EPB41L4B: variants seen among roughly 807,000 people sequenced by gnomAD.
EPB41L4B encodes the protein band 4.1-like protein 4B.
A neutral mutation model predicts 112.5 loss-of-function variants in EPB41L4B; 30 were observed. The ratio of observed to expected loss-of-function variants is 0.27; its 90% CI spans 0.20 to 0.36. The LOEUF (loss-of-function observed/expected upper bound fraction) is 0.36. Ranked by LOEUF, EPB41L4B falls within the 10% of genes least tolerant of loss-of-function variation. The pLI, the probability that EPB41L4B is intolerant of heterozygous loss-of-function variation, is 1.00. For missense variants in EPB41L4B, 1,024 were observed against 1,133.3 expected, an observed-to-expected ratio of 0.90 and a Z score of 1.38; for synonymous variants, 408 against 439.7, an observed-to-expected ratio of 0.93 and a Z score of 0.90.
chr9:109,239,718 C>A (rs1409170538), intron 15 of EPB41L4B: 27 of 650,070 alleles, frequency 4.2e-5, no homozygotes, highest in Non-Finnish European at 5.0e-5. Flanking sequence ...ACAACTGAAA[C>A]CACTCAAGTT....
rs367686289 is a variant in EPB41L4B at position 109,277,426 on chromosome 9, G to A, written c.411+2391C>T. Among the ~76,000 whole-genome samples, 11 of 152,176 alleles carry A rather than the reference G, an allele frequency of 7.2e-5. No homozygotes were observed. In the East Asian group the frequency reaches 1.7e-3, roughly 24 times the overall value. On this transcript the variant is annotated intron_variant, in intron 2 of 25. Transcript: ENST00000374566. ...CTTCTCAGCAGGTGAGGCAACTGCT[G>A]GAACAAAGCCTCCGTGGGGACTGGA...
intron 14 of EPB41L4B, among the ~76,000 whole-genome samples, chr9:109,247,293 T>C (rs6477698): frequency 0.93 from 141,202 of 152,176 alleles, 65,688 homozygotes; most frequent in East Asian, 1. Context: ...TCAGTACTTT[T>C]ATACCTCAGT....
At position 109,320,682 on chromosome 9, in the gene EPB41L4B, G is replaced by A. The variant is rs1453110722; in HGVS notation, c.-236C>T. ...GCTGCGAGTGGCCGCAGGCGGGAGG[G>A]CGCGCTCGGGGCCGTCCCGCCGCCG... On this transcript the variant is annotated 5_prime_UTR_variant, in exon 1 of 26. Coordinates refer to ENST00000374566, the MANE Select transcript of EPB41L4B (RefSeq NM_019114.5). The A allele has an allele frequency of 6.9e-6, 1 of 144,834 alleles. No homozygotes were observed. The highest frequency in any genetic ancestry group is 2.1e-4 in the East Asian group (1 of 4,850). The allele number at this position is 144,834 out of a possible 1,614,324, so 9.0% of individuals were successfully genotyped here.
At chr9:109,209,774 G>A (rs1833100791) in intron 17 of EPB41L4B, among the ~76,000 whole-genome samples, 1 of 152,092 alleles carries the variant, frequency 6.6e-6, no homozygotes, top group Non-Finnish European at 1.5e-5. Context: ...GTCCCCTCAT[G>A]CAACCATCTC....
At chr9:109,247,099 A>T (rs1250827475) in intron 14 of EPB41L4B, among the ~76,000 whole-genome samples, 7 of 151,874 alleles carry the variant, frequency 4.6e-5, no homozygotes, top group African/African-American at 7.3e-5. Flanking sequence ...TCCTGGGCTC[A>T]AGTGATCCTC....
At chr9:109,222,567 A>G (rs1833617315) in intron 15 of EPB41L4B, among the ~76,000 whole-genome samples, 1 of 152,202 alleles carries the variant, frequency 6.6e-6, no homozygotes, top group Admixed American at 6.5e-5. Context: ...GACCTTGGCT[A>G]AGGCCCAGGA....
In EPB41L4B at chr9:109,243,645, C is replaced by A. The variant is rs375528062; in HGVS notation, c.1382G>T (p.Arg461Leu). 2 of 1,614,134 alleles carry A rather than the reference C, an allele frequency of 1.2e-6. No individual in the cohort carries two copies. Among genetic ancestry groups the A allele is most frequent in the Non-Finnish European group, 1.7e-6 (2 of 1,180,018 alleles). ...GACATTTGGAGAGTGAGGATGCCAC[C>A]GGGGCTGGCTGGGATGGATATTAGG... ...YHPNIHPSQP[R>L]WHPHSPNVSY... Residue 461 changes from arginine to leucine, a missense_variant, in exon 15 of 26, where the codon CGG becomes CTG. Coordinates refer to ENST00000374566, the MANE Select transcript of EPB41L4B (RefSeq NM_019114.5).
intron 1 of EPB41L4B, among the ~76,000 whole-genome samples, chr9:109,297,552 C>T (rs1031678216): frequency 2.6e-5 from 4 of 152,206 alleles, no homozygotes; most frequent in African/African-American, 7.2e-5. Context: ...AGTGCAGATG[C>T]GTCATGTGGC....
At chr9:109,253,626 T>G (rs1834876727) in intron 11 of EPB41L4B, 76 bp from the exon 12 acceptor site, 1 of 963,292 alleles carries the variant, frequency 1.0e-6, no homozygotes, top group Admixed American at 1.9e-5. Flanking sequence ...AAGTGCACTT[T>G]TATTTCCAAG....
At chr9:109,181,022 A>T (rs1197421133) in intron 24 of EPB41L4B, among the ~76,000 whole-genome samples, 1 of 152,162 alleles carries the variant, frequency 6.6e-6, no homozygotes, top group East Asian at 1.9e-4. Context: ...AGAATTTTTT[A>T]AAAAATCAAG....
chr9:109,178,771 A>G (rs1037496418), intron 24 of EPB41L4B, among the ~76,000 whole-genome samples: 1 of 152,032 alleles, frequency 6.6e-6, no homozygotes, highest in African/African-American at 2.4e-5. Context: ...CTTTCTGAAA[A>G]AAGAGGAAAA....
intron 16 of EPB41L4B, 147 bp downstream of exon 16, chr9:109,216,775 T>C: frequency 1.3e-6 from 1 of 788,866 alleles, no homozygotes; most frequent in Admixed American, 2.1e-5. Context: ...GGCTCTTGTC[T>C]ACTCTGGCCC....
chr9:109,245,887 G>C (rs1375021529), intron 14 of EPB41L4B, among the ~76,000 whole-genome samples: 1 of 152,198 alleles, frequency 6.6e-6, no homozygotes, highest in Non-Finnish European at 1.5e-5. Flanking sequence ...CAGTAGATCT[G>C]ATTTCAACAA....
At chr9:109,221,131 G>A (rs988480846) in intron 15 of EPB41L4B, among the ~76,000 whole-genome samples, 4 of 152,176 alleles carry the variant, frequency 2.6e-5, no homozygotes, top group African/African-American at 7.2e-5. Flanking sequence ...CAGATACTGT[G>A]CTAGCTATTT....
At chr9:109,313,723 C>A (rs1331065341) in intron 1 of EPB41L4B, among the ~76,000 whole-genome samples, 1 of 152,150 alleles carries the variant, frequency 6.6e-6, no homozygotes, top group Admixed American at 6.5e-5. Context: ...GGGCTCCCCA[C>A]CCCAGCTAAG....
At chr9:109,237,343 C>T (rs536254789) in intron 15 of EPB41L4B, among the ~76,000 whole-genome samples, 3 of 152,208 alleles carry the variant, frequency 2.0e-5, no homozygotes, top group African/African-American at 7.2e-5. Flanking sequence ...CAAATGACAA[C>T]TGTCAATACA....
At chr9:109,267,594 G>T in intron 3 of EPB41L4B, 43 bp from the exon 4 acceptor site, 1 of 1,304,922 alleles carries the variant, frequency 7.7e-7, no homozygotes, top group Non-Finnish European at 1.1e-6. Context: ...TTTTCCCCCA[G>T]TTTTGAAGAT....
intron 1 of EPB41L4B, among the ~76,000 whole-genome samples, chr9:109,296,919 A>G (rs927090453): frequency 2.0e-5 from 3 of 151,572 alleles, no homozygotes; most frequent in Non-Finnish European, 2.9e-5. Context: ...GATGGCTAAG[A>G]GACAGGGTAG....
intron 3 of EPB41L4B, among the ~76,000 whole-genome samples, chr9:109,268,111 C>A (rs769924332): frequency 2.0e-4 from 30 of 152,196 alleles, no homozygotes; most frequent in Non-Finnish European, 4.1e-4. Context: ...AGGTATAAAG[C>A]TGAGTTTCTG....
Sources: allele counts gnomAD v4.1 joint callset (sites outside exome capture counted in the v4.1 genomes callset), GRCh38; gene constraint gnomAD v4.1.1; transcripts MANE v1.5; gene names NCBI Gene and HGNC (gene_info 2026-07-23, HGNC 2026-07-21).